MAP3K13: variants seen among roughly 807,000 people sequenced by gnomAD.
MAP3K13 encodes mitogen-activated protein kinase kinase kinase 13.
MAP3K13 carries 52 observed loss-of-function variants against 104.0 expected under a neutral mutation model. The observed-to-expected ratio is 0.50, with a 90% CI of 0.40 to 0.63. The LOEUF is 0.63. Among genes scored for constraint, MAP3K13 ranks in the 20% least tolerant of loss-of-function variants. The pLI is 0.00. For missense variants in MAP3K13, 914 were observed against 1,218.5 expected, an observed-to-expected ratio of 0.75 and a Z score of 3.72; for synonymous variants, 394 against 442.2, an observed-to-expected ratio of 0.89 and a Z score of 1.37.
intron 1 of MAP3K13, among the ~76,000 whole-genome samples, chr3:185,380,213 A>AAAAAAC (rs1471589184): frequency 1.2e-4 from 18 of 150,046 alleles, no homozygotes; most frequent in African/African-American, 3.7e-4. Flanking sequence ...AAAAAAACAG[A>AAAAAAC]AGAAGTGCTC....
At chr3:185,397,904 CTT>C (rs1220660462) in intron 1 of MAP3K13, among the ~76,000 whole-genome samples, 3 of 152,036 alleles carry the variant, frequency 2.0e-5, no homozygotes, top group Non-Finnish European at 4.4e-5. Context: ...GCCAGTAAGA[CTT>C]TGAAAGGTCG....
chr3:185,401,477 A>C (rs1389585950), intron 1 of MAP3K13, among the ~76,000 whole-genome samples: 1 of 152,092 alleles, frequency 6.6e-6, no homozygotes, highest in Non-Finnish European at 1.5e-5. Flanking sequence ...TGATAGATGG[A>C]ATCTCCTCGG....
At chr3:185,297,545 G>A (rs1170919877) in intron 2 of MAP3K13, among the ~76,000 whole-genome samples, 1 of 152,104 alleles carries the variant, frequency 6.6e-6, no homozygotes, top group Non-Finnish European at 1.5e-5. Context: ...GACCAGCCTG[G>A]CCAACATGGT....
rs925258537 is a variant in MAP3K13 at position 185,331,044 on chromosome 3, C to A, written c.-86+45401C>A. 4.0e-5 allele frequency among the ~76,000 whole-genome samples: 6 copies of A among 151,782 alleles called. 1 individual carries two copies. Among genetic ancestry groups the A allele is most frequent in the Admixed American group, 3.9e-4 (6 of 15,230 alleles). ...CAGACTACCCTAACTAAAATGGCACCCTACTCCACTTCCACCATAACACTT... is the reference window on the plus strand; with the variant it reads ...CAGACTACCCTAACTAAAATGGCACACTACTCCACTTCCACCATAACACTT... On this transcript the variant is annotated intron_variant, in intron 2 of 14. Transcript: ENST00000424227.
chr3:185,291,347 T>C (rs1045868995), intron 2 of MAP3K13, among the ~76,000 whole-genome samples: 10 of 152,228 alleles, frequency 6.6e-5, no homozygotes, highest in Non-Finnish European at 1.3e-4. Context: ...AGGGAGATTC[T>C]GTAAGAACTT....
At chr3:185,300,070 G>A (rs771078994) in intron 2 of MAP3K13, among the ~76,000 whole-genome samples, 19 of 152,004 alleles carry the variant, frequency 1.2e-4, no homozygotes, top group African/African-American at 2.2e-4. Context: ...GACTATTTTT[G>A]ATACTTCACA....
chr3:185,362,636 G>A (rs920090384), upstream of MAP3K13, among the ~76,000 whole-genome samples: 1 of 151,904 alleles, frequency 6.6e-6, no homozygotes, highest in Non-Finnish European at 1.5e-5. Flanking sequence ...CGTTCTTCCC[G>A]ACAATTTTGC....
Position 185,482,477 on chromosome 3 carries a change from A to G in MAP3K13, c.*21A>G. 8 of 1,555,742 alleles carry G rather than the reference A, an allele frequency of 5.1e-6. No homozygotes were observed. Among genetic ancestry groups the G allele is most frequent in the Non-Finnish European group, 6.2e-6 (7 of 1,127,400 alleles). On this transcript the variant is annotated 3_prime_UTR_variant, in exon 14 of 14. Transcript: ENST00000265026. The surrounding 1 kb of genome is among the most constrained non-coding windows in gnomAD (Gnocchi z 4.5). Reference sequence around the variant, plus strand: ...GGTAATGAAGGAATACACATCCTGAAGATCTCGTGACTATACTGGCATTTC... The same window carrying G: ...GGTAATGAAGGAATACACATCCTGAGGATCTCGTGACTATACTGGCATTTC...
At chr3:185,378,587 G>A (rs1439710469) in intron 1 of MAP3K13, among the ~76,000 whole-genome samples, 2 of 152,084 alleles carry the variant, frequency 1.3e-5, no homozygotes, top group African/African-American at 4.8e-5. Flanking sequence ...TTGGGACCTG[G>A]CTTGGCCTGG....
upstream of MAP3K13, among the ~76,000 whole-genome samples, chr3:185,360,818 C>CTTTTTTTTTT (rs532196266): frequency 1.3e-5 from 1 of 78,092 alleles, no homozygotes; most frequent in African/African-American, 4.7e-5. Context: ...ACAGCTTTAG[C>CTTTTTTTTTT]TTTTTTTTTT....
intron 2 of MAP3K13, among the ~76,000 whole-genome samples, chr3:185,355,484 A>G (rs1165768980): frequency 1.5e-5 from 2 of 131,724 alleles, no homozygotes; most frequent in Non-Finnish European, 3.3e-5. Context: ...AAAAAAAAAA[A>G]TTAGCCGGAC....
At chr3:185,463,693 TC>T in intron 8 of MAP3K13, 34 bp downstream of exon 8, 1 of 1,303,908 alleles carries the variant, frequency 7.7e-7, no homozygotes, top group Non-Finnish European at 1.1e-6. Context: ...CCTCCCTTCA[TC>T]CCCAGGTCTT....
At chr3:185,286,428 C>T (rs1720513877) in intron 2 of MAP3K13, among the ~76,000 whole-genome samples, 2 of 151,696 alleles carry the variant, frequency 1.3e-5, no homozygotes, top group African/African-American at 4.8e-5. Context: ...ATTCATCTTT[C>T]AGATCTATTT....
intron 1 of MAP3K13, chr3:185,417,851 G>T (rs1713875188): frequency 6.2e-7 from 1 of 1,606,072 alleles, no homozygotes; most frequent in African/African-American, 1.3e-5. Flanking sequence ...ACTCTGCGAT[G>T]AATCTTCTTG....
chr3:185,366,633 C>CT (rs1723902255), intron 1 of MAP3K13, among the ~76,000 whole-genome samples: 1 of 152,180 alleles, frequency 6.6e-6, no homozygotes, highest in South Asian at 2.1e-4. Flanking sequence ...ACCATCTTAA[C>CT]AAGTTTGAAA....
chr3:185,315,973 A>G lies in MAP3K13; in HGVS notation c.-86+30330A>G, dbSNP rs1577417245. Among the ~76,000 whole-genome samples the G allele has an allele frequency of 6.6e-6, 1 of 152,210 alleles. No individual in the cohort carries two copies. Among genetic ancestry groups the G allele is most frequent in the Non-Finnish European group, 1.5e-5 (1 of 68,034 alleles). Reference sequence around the variant, plus strand: ...TAGAGAAAGCCCTGAACAGAAAGGCAATATATTTTTGCTTACTTATAAAAA... The same window carrying G: ...TAGAGAAAGCCCTGAACAGAAAGGCGATATATTTTTGCTTACTTATAAAAA... On this transcript the variant is annotated intron_variant, in intron 2 of 14. Transcript: ENST00000424227. This position sits in a 1 kb window ranked among gnomAD's most constrained non-coding sequence, Gnocchi z 4.3.
chr3:185,300,295 T>G (rs543535641), intron 2 of MAP3K13, among the ~76,000 whole-genome samples: 42 of 150,430 alleles, frequency 2.8e-4, no homozygotes, highest in African/African-American at 9.8e-4. Flanking sequence ...GTTCAAGCTA[T>G]TCTCCTGCCT....
intron 2 of MAP3K13, among the ~76,000 whole-genome samples, chr3:185,342,294 TCTGC>T (rs1722749688): frequency 6.6e-6 from 1 of 152,176 alleles, no homozygotes; most frequent in Non-Finnish European, 1.5e-5. Flanking sequence ...TTTGGGGCAA[TCTGC>T]ATGCTGCAGT....
chr3:185,464,624 A>G (rs1366115506), intron 8 of MAP3K13, among the ~76,000 whole-genome samples: 1 of 152,176 alleles, frequency 6.6e-6, no homozygotes, highest in Non-Finnish European at 1.5e-5. Context: ...CAAAACTGTG[A>G]GTTAATTAAA....
Sources: gnomAD v4.1 joint callset for allele counts (sites outside exome capture counted in the v4.1 genomes callset) on GRCh38, gnomAD v4.1.1 for gene constraint, Gnocchi (gnomAD v3.1) non-coding constraint, MANE v1.5 for transcripts, NCBI Gene and HGNC (gene_info 2026-07-23, HGNC 2026-07-21) for gene names.